The following COG5 variants were observed in gnomAD, a reference collection of about 807,000 sequenced individuals.
The protein encoded by COG5 is component of oligomeric golgi complex 5, also known as conserved oligomeric Golgi complex subunit 5.
COG5 carries 86 observed loss-of-function variants against 110.4 expected under a neutral mutation model. The ratio of observed to expected loss-of-function variants is 0.78; its 90% CI spans 0.65 to 0.93. The LOEUF (loss-of-function observed/expected upper bound fraction) is 0.93. Among genes scored for constraint, COG5 ranks in the 40% least tolerant of loss-of-function variants. The probability of loss-of-function intolerance (pLI) is 0.00; values close to 1 mark genes in which losing one functional copy is unlikely to be tolerated. For missense variants in COG5, 1,077 were observed against 987.0 expected (o/e 1.09, Z -1.22); for synonymous variants, 360 against 334.6 (o/e 1.08, Z -0.83).
intron 12 of COG5, among the ~76,000 whole-genome samples, chr7:107,295,103 T>A (rs369786606): frequency 0.043 from 1,923 of 44,578 alleles, 3 homozygotes; most frequent in East Asian, 0.1. Flanking sequence ...ATATATATAT[T>A]TTTTTTTTTT....
At chr7:107,331,884 C>A (rs142016325) in intron 10 of COG5, among the ~76,000 whole-genome samples, 2,712 of 149,988 alleles carry the variant, frequency 0.018, 83 homozygotes, top group African/African-American at 0.062. Flanking sequence ...CTCTGTTACC[C>A]AGGCTGGAGT....
chr7:107,308,387 A>G (rs540063033), intron 11 of COG5, among the ~76,000 whole-genome samples: 3 of 152,314 alleles, frequency 2.0e-5, no homozygotes, highest in African/African-American at 7.2e-5. Flanking sequence ...GTTGAAAACC[A>G]CTGATATAGG....
chr7:107,559,163 G>A (rs1314723452), intron 1 of COG5, among the ~76,000 whole-genome samples: 2 of 152,048 alleles, frequency 1.3e-5, no homozygotes, highest in African/African-American at 2.4e-5. Context: ...ATTTATGGGT[G>A]AAATATGTTA....
At chr7:107,526,922 C>G (rs561093184) in intron 6 of COG5, among the ~76,000 whole-genome samples, 7 of 152,162 alleles carry the variant, frequency 4.6e-5, no homozygotes, top group East Asian at 3.9e-4. Context: ...ATGAGGGAAT[C>G]TGGAGGAGTG....
At chr7:107,207,247 A>T (rs1452763976) in intron 21 of COG5, among the ~76,000 whole-genome samples, 2 of 152,332 alleles carry the variant, frequency 1.3e-5, no homozygotes, top group African/African-American at 4.8e-5. Flanking sequence ...CTCCATTCAC[A>T]GAACTGATAG....
At chr7:107,528,798 T>C (rs1024395610) in intron 5 of COG5, among the ~76,000 whole-genome samples, 1 of 152,110 alleles carries the variant, frequency 6.6e-6, no homozygotes, top group Non-Finnish European at 1.5e-5. Flanking sequence ...CCAGGGTCCC[T>C]GAACCTCCAG....
intron 6 of COG5, among the ~76,000 whole-genome samples, chr7:107,488,444 C>CT (rs2129126262): frequency 6.6e-6 from 1 of 152,140 alleles, no homozygotes; most frequent in African/African-American, 2.4e-5. Context: ...TTTCTGTTAT[C>CT]TTTTATTTAT....
chr7:107,324,351 G>T, intron 11 of COG5, 89 bp downstream of exon 11: 1 of 829,282 alleles, frequency 1.2e-6, no homozygotes, highest in Non-Finnish European at 1.9e-6. Context: ...AAAATGTTTT[G>T]TAAACCAATA....
chr7:107,438,550 C>T (rs1487564228), intron 6 of COG5, among the ~76,000 whole-genome samples: 2 of 152,200 alleles, frequency 1.3e-5, no homozygotes. Flanking sequence ...TCTCTTCTTA[C>T]TCTGTCTTTT....
intron 6 of COG5, among the ~76,000 whole-genome samples, chr7:107,449,234 T>G (rs1385157204): frequency 6.6e-6 from 1 of 152,084 alleles, no homozygotes; most frequent in African/African-American, 2.4e-5. Context: ...ATACGGGACT[T>G]AAAACCTAGA....
At position 107,474,769 on chromosome 7, in the gene COG5, G is replaced by A. The variant is rs1287146834; in HGVS notation, c.538+52468C>T. On this transcript the variant is annotated intron_variant, in intron 6 of 21. Coordinates refer to ENST00000297135, the MANE Select transcript of COG5 (RefSeq NM_006348.5). This position sits in a 1 kb window ranked among gnomAD's most constrained non-coding sequence, Gnocchi z 5.7. ...AATCACATACACCAAAATACTTCAG[G>A]CTCTTAATATTCGAATAGGCACAAG... 1.9e-6 allele frequency: 3 copies of A among 1,610,846 alleles called. No individual in the cohort carries two copies. Among genetic ancestry groups the A allele is most frequent in the South Asian group, 1.1e-5 (1 of 90,634 alleles).
intron 10 of COG5, among the ~76,000 whole-genome samples, chr7:107,357,974 C>T (rs572541245): frequency 2.0e-5 from 3 of 152,280 alleles, no homozygotes; most frequent in East Asian, 1.9e-4. Context: ...TGGACTCATA[C>T]GCATTTAAAA....
At chr7:107,528,172 A>G (rs1361671131) in intron 5 of COG5, among the ~76,000 whole-genome samples, 1 of 151,708 alleles carries the variant, frequency 6.6e-6, no homozygotes, top group East Asian at 1.9e-4. Flanking sequence ...CCTCACTGCA[A>G]CCTCTACCTC....
chr7:107,287,983 T>C (rs781548333), intron 12 of COG5, among the ~76,000 whole-genome samples: 1 of 152,262 alleles, frequency 6.6e-6, no homozygotes, highest in Non-Finnish European at 1.5e-5. Flanking sequence ...AACATTTGCA[T>C]ACAAATGTCT....
At chr7:107,379,204 T>C (rs1814891763) in intron 7 of COG5, among the ~76,000 whole-genome samples, 1 of 152,150 alleles carries the variant, frequency 6.6e-6, no homozygotes, top group Non-Finnish European at 1.5e-5. Flanking sequence ...GAAAATCCTT[T>C]ACAGACAAGC....
intron 6 of COG5, among the ~76,000 whole-genome samples, chr7:107,509,415 C>T (rs554004759): frequency 3.4e-4 from 52 of 152,212 alleles, no homozygotes; most frequent in African/African-American, 1.2e-3. Context: ...ACCAAGTCTA[C>T]GTCTGATTGG....
At chr7:107,519,629 G>C (rs1034785960) in intron 6 of COG5, among the ~76,000 whole-genome samples, 4 of 152,038 alleles carry the variant, frequency 2.6e-5, no homozygotes, top group Admixed American at 1.3e-4. Flanking sequence ...CTAATAACAA[G>C]TCCCAAAATT....
At position 107,547,528 on chromosome 7, in the gene COG5, C is replaced by T. The variant is rs12671081; in HGVS notation, c.417+583G>A. Among the ~76,000 whole-genome samples, 78 of 152,246 alleles carry T rather than the reference C, an allele frequency of 5.1e-4. 1 individual carries two copies. In the East Asian group the frequency reaches 0.014, roughly 27 times the overall value. On this transcript the variant is annotated intron_variant, in intron 5 of 21. Transcript: ENST00000297135. ...AGCCACTGGAAGTCCTGGCCAGAGC[C>T]ATTAGGCAAGTGAGAAATAAAAGGC... is the stretch of plus-strand genomic sequence containing the variant.
intron 6 of COG5, among the ~76,000 whole-genome samples, chr7:107,415,330 A>C (rs1031668115): frequency 6.6e-5 from 10 of 152,172 alleles, no homozygotes; most frequent in Admixed American, 6.5e-4. Context: ...GCAAATACTA[A>C]AATAATTAGC....
Sources: gnomAD v4.1 joint callset for allele counts (sites outside exome capture counted in the v4.1 genomes callset) on GRCh38, gnomAD v4.1.1 for gene constraint, Gnocchi (gnomAD v3.1) non-coding constraint, MANE v1.5 for transcripts, NCBI Gene and HGNC (gene_info 2026-07-23, HGNC 2026-07-21) for gene names.